Variants in P3H2 observed in about 807,000 individuals in gnomAD.
P3H2 encodes leprecan-like 1.
A neutral mutation model predicts 87.0 loss-of-function variants in P3H2; 80 were observed. That is an observed-to-expected ratio of 0.92 (90% CI 0.77 to 1.11). P3H2 has a LOEUF of 1.11. Ranked by LOEUF, P3H2 falls within the 50% of genes least tolerant of loss-of-function variation. The pLI is 0.00. For synonymous variants in P3H2, 367 were observed against 359.3 expected (o/e 1.02, Z -0.24); for missense variants, 1,001 against 923.9 (o/e 1.08, Z -1.08).
intron 1 of P3H2, among the ~76,000 whole-genome samples, chr3:190,114,329 G>A (rs947350879): frequency 1.3e-5 from 2 of 150,356 alleles, no homozygotes; most frequent in Non-Finnish European, 3.0e-5. Flanking sequence ...GACTACAGGC[G>A]CCTGCCACCA....
chr3:190,001,056 T>A (rs1001660454), intron 1 of P3H2, among the ~76,000 whole-genome samples: 1 of 152,192 alleles, frequency 6.6e-6, no homozygotes, highest in Non-Finnish European at 1.5e-5. Context: ...TTTCTCTTCG[T>A]CTATTTTGCC....
At chr3:189,973,261 G>GTTC (rs1297891126) in intron 10 of P3H2, 1 of 505,640 alleles carries the variant, frequency 2.0e-6, no homozygotes, top group Non-Finnish European at 3.5e-6. Context: ...ATTATAATAT[G>GTTC]TTCTACCATC....
intron 1 of P3H2, among the ~76,000 whole-genome samples, chr3:190,090,423 G>A (rs1445481282): frequency 6.6e-6 from 1 of 152,048 alleles, no homozygotes. Flanking sequence ...CCACCTATTG[G>A]CCGCGCACGG....
intron 1 of P3H2, among the ~76,000 whole-genome samples, chr3:190,013,727 A>T (rs1293173347): frequency 6.6e-6 from 1 of 152,208 alleles, no homozygotes; most frequent in Non-Finnish European, 1.5e-5. Context: ...TCAGTTTTCA[A>T]ATATCTTTTA....
At chr3:190,019,398 C>T (rs1297728406) in intron 1 of P3H2, among the ~76,000 whole-genome samples, 3 of 152,176 alleles carry the variant, frequency 2.0e-5, no homozygotes, top group Admixed American at 6.5e-5. Flanking sequence ...TTTTCAGAAC[C>T]GAAAAATTGT....
chr3:190,024,971 G>GA (rs559652104), intron 1 of P3H2, among the ~76,000 whole-genome samples: 57 of 152,010 alleles, frequency 3.7e-4, no homozygotes, highest in African/African-American at 1.4e-3. Flanking sequence ...TCCAAAAACA[G>GA]ACTGACTTAT....
At chr3:190,103,758 AC>A (rs753486746) in intron 1 of P3H2, among the ~76,000 whole-genome samples, 7 of 152,132 alleles carry the variant, frequency 4.6e-5, no homozygotes, top group Non-Finnish European at 8.8e-5. Flanking sequence ...GACAAAGTTG[AC>A]TTAGAGATTT....
intron 1 of P3H2, among the ~76,000 whole-genome samples, chr3:190,032,004 A>T (rs1443879784): frequency 1.3e-5 from 2 of 152,182 alleles, no homozygotes; most frequent in South Asian, 2.1e-4. Flanking sequence ...TAAGTGCTAG[A>T]CCTACTGCTA....
chr3:190,087,055 T>C (rs1727235867), intron 1 of P3H2, among the ~76,000 whole-genome samples: 1 of 152,196 alleles, frequency 6.6e-6, no homozygotes, highest in Non-Finnish European at 1.5e-5. Context: ...TGCTATTTTC[T>C]CCACTTTGAA....
At chr3:190,037,034 C>A (rs1009726326) in intron 1 of P3H2, among the ~76,000 whole-genome samples, 5 of 151,786 alleles carry the variant, frequency 3.3e-5, no homozygotes, top group African/African-American at 1.2e-4. Flanking sequence ...CATGCAGAAG[C>A]CCAAACAATA....
At chr3:190,037,846 C>A (rs1479664839) in intron 1 of P3H2, among the ~76,000 whole-genome samples, 2 of 152,082 alleles carry the variant, frequency 1.3e-5, no homozygotes, top group Non-Finnish European at 2.9e-5. Context: ...CAGAATATTT[C>A]TATTGCAATG....
intron 10 of P3H2, among the ~76,000 whole-genome samples, 181 bp downstream of exon 10, chr3:189,973,728 G>T (rs1723256781): frequency 1.3e-5 from 2 of 151,832 alleles, no homozygotes; most frequent in South Asian, 2.1e-4. Context: ...GTTTCACCAT[G>T]TTAGCCAGGG....
chr3:190,016,377 G>T (rs927639339), intron 1 of P3H2, among the ~76,000 whole-genome samples: 1 of 152,032 alleles, frequency 6.6e-6, no homozygotes, highest in Non-Finnish European at 1.5e-5. Context: ...CCAGGTAGCT[G>T]GGATTACAGG....
chr3:189,960,443 AT>A (rs1722778667), intron 14 of P3H2, among the ~76,000 whole-genome samples: 1 of 152,114 alleles, frequency 6.6e-6, no homozygotes, highest in Non-Finnish European at 1.5e-5. Flanking sequence ...CAAGAGTTCT[AT>A]TTTCTTTGAT....
In P3H2 at chr3:189,988,904, T is replaced by C; in HGVS notation, c.955+3A>G. The C allele has an allele frequency of 6.2e-7, 1 of 1,614,086 alleles. No individual in the cohort carries two copies. Among genetic ancestry groups the C allele is most frequent in the Non-Finnish European group, 8.5e-7 (1 of 1,179,984 alleles). Reference sequence around the variant, plus strand: ...AAGTCTTCACGGATGATCCACGCTTTACCTCGATAGTAGGCAAACTGTAGG... The same window carrying C: ...AAGTCTTCACGGATGATCCACGCTTCACCTCGATAGTAGGCAAACTGTAGG... On this transcript the variant is annotated splice_donor_region_variant and intron_variant, in intron 4 of 14. Coordinates refer to ENST00000319332, the MANE Select transcript of P3H2 (RefSeq NM_018192.4).
chr3:190,099,703 T>A, intron 1 of P3H2, among the ~76,000 whole-genome samples: 1 of 152,368 alleles, frequency 6.6e-6, no homozygotes, highest in Admixed American at 6.5e-5. Flanking sequence ...GCTTTATTCA[T>A]AGAAAAAAGA....
At chr3:189,965,374 G>T (rs1350175023) in intron 13 of P3H2, among the ~76,000 whole-genome samples, 1 of 152,134 alleles carries the variant, frequency 6.6e-6, no homozygotes. Context: ...GCATGTGTGT[G>T]TGTTTATGTC....
intron 8 of P3H2, among the ~76,000 whole-genome samples, chr3:189,976,458 T>C (rs1281202962): frequency 6.6e-6 from 1 of 152,178 alleles, no homozygotes; most frequent in Non-Finnish European, 1.5e-5. Flanking sequence ...CATCAGATCT[T>C]GTGAGACTTA....
At chr3:190,098,112 C>T (rs923946352) in intron 1 of P3H2, among the ~76,000 whole-genome samples, 1 of 152,148 alleles carries the variant, frequency 6.6e-6, no homozygotes, top group Non-Finnish European at 1.5e-5. Context: ...TGCAAATTCT[C>T]ATATGAGAAA....
Sources: gnomAD v4.1 joint callset for allele counts (sites outside exome capture counted in the v4.1 genomes callset) on GRCh38, gnomAD v4.1.1 for gene constraint, MANE v1.5 for transcripts, NCBI Gene and HGNC (gene_info 2026-07-23, HGNC 2026-07-21) for gene names.